DISP1: variants seen among roughly 807,000 people sequenced by gnomAD.
DISP1 encodes the protein protein dispatched homolog 1.
DISP1 carries 30 observed loss-of-function variants against 37.3 expected under a neutral mutation model. The ratio of observed to expected loss-of-function variants is 0.80; its 90% CI spans 0.60 to 1.09. DISP1 has a LOEUF of 1.09. Ranked by LOEUF, DISP1 falls within the 50% of genes least tolerant of loss-of-function variation. DISP1 has a pLI of 0.00. For missense variants in DISP1, 1,598 were observed against 1,879.5 expected (o/e 0.85, Z 2.77); for synonymous variants, 634 against 690.2 (o/e 0.92, Z 1.28).
At chr1:222,939,999 G>A (rs774009408) in intron 2 of DISP1, among the ~76,000 whole-genome samples, 18 of 151,908 alleles carry the variant, frequency 1.2e-4, no homozygotes, top group African/African-American at 2.7e-4. Context: ...GGTGGTGGGC[G>A]CCTGTAGTCC....
intron 1 of DISP1, among the ~76,000 whole-genome samples, chr1:222,881,734 C>T (rs1371173366): frequency 6.6e-6 from 1 of 152,082 alleles, no homozygotes; most frequent in Admixed American, 6.5e-5. Context: ...GTTTCAGTTG[C>T]TTGTAGATTT....
At chr1:222,861,959 G>A (rs1668902433) in intron 1 of DISP1, among the ~76,000 whole-genome samples, 2 of 152,020 alleles carry the variant, frequency 1.3e-5, no homozygotes, top group South Asian at 2.1e-4. Context: ...TTTTTCTCAC[G>A]AAGACATTGG....
At chr1:222,883,223 C>T (rs1670377316) in intron 1 of DISP1, among the ~76,000 whole-genome samples, 1 of 151,818 alleles carries the variant, frequency 6.6e-6, no homozygotes, top group Admixed American at 6.6e-5. Context: ...AAAATTAATC[C>T]TAAAAAAAAA....
At chr1:222,891,871 A>G (rs555497517) in intron 1 of DISP1, among the ~76,000 whole-genome samples, 3 of 152,188 alleles carry the variant, frequency 2.0e-5, no homozygotes, top group South Asian at 2.1e-4. Context: ...AATATAAACA[A>G]CTATCTTAAG....
intron 8 of DISP1, among the ~76,000 whole-genome samples, chr1:222,997,671 T>C (rs1361063929): frequency 6.6e-6 from 1 of 152,228 alleles, no homozygotes; most frequent in East Asian, 1.9e-4. Flanking sequence ...TCTATCTTTC[T>C]ACCGAGTTGA....
Position 222,994,970 on chromosome 1 carries a change from A to G in DISP1, c.975A>G (p.Val325=). The G allele has an allele frequency of 1.2e-6, 2 of 1,611,746 alleles. No homozygotes were observed. The highest frequency in any genetic ancestry group is 1.7e-6 in the Non-Finnish European group (2 of 1,178,198). Residue 325 remains valine, a synonymous_variant, in exon 8 of 9, where the codon GTA becomes GTG. Coordinates refer to ENST00000675850, the MANE Select transcript of DISP1 (RefSeq NM_001377229.1). ...NLPAIKSMCN[V]DNSRIRSHPQ... is the part of the protein sequence containing the mutation. ...CTGCAATTAAATCAATGTGCAATGT[A>G]GATAATTCCAGGGTATGTAAGATAA... is the stretch of plus-strand genomic sequence containing the variant.
In DISP1 at chr1:223,005,387, G is replaced by A. The variant is rs370266646; in HGVS notation, c.3990G>A (p.Thr1330=). Residue 1330 remains threonine (T), a synonymous_variant, in exon 9 of 9, where the codon ACG becomes ACA. Transcript: ENST00000675850. Reference sequence around the variant, plus strand: ...TCGAGGGCTTTGTGCACCCCATCACGCACATCCACCACTGTCCCTGCCTGC... The same window carrying A: ...TCGAGGGCTTTGTGCACCCCATCACACACATCCACCACTGTCCCTGCCTGC... ...QAVEGFVHPI[T]HIHHCPCLQG... is the part of the protein sequence containing the mutation. The A allele has an allele frequency of 2.2e-5, 35 of 1,613,148 alleles. 1 individual carries two copies. The highest frequency in any genetic ancestry group is 7.7e-5 in the South Asian group (7 of 91,080).
At chr1:222,981,128 T>C (rs1677803455) in intron 3 of DISP1, among the ~76,000 whole-genome samples, 1 of 152,254 alleles carries the variant, frequency 6.6e-6, no homozygotes, top group Non-Finnish European at 1.5e-5. Flanking sequence ...ACTCAGACTT[T>C]AAGTTCCACA....
intron 1 of DISP1, among the ~76,000 whole-genome samples, chr1:222,844,934 T>C (rs1667818897): frequency 6.6e-6 from 1 of 152,134 alleles, no homozygotes; most frequent in South Asian, 2.1e-4. Flanking sequence ...TGGGTATTGC[T>C]GGGCAACAAT....
chr1:222,920,083 A>G (rs1192370773), intron 1 of DISP1, among the ~76,000 whole-genome samples: 1 of 152,178 alleles, frequency 6.6e-6, no homozygotes, highest in Non-Finnish European at 1.5e-5. Flanking sequence ...TTCATGACAT[A>G]CAGTAAAGGT....
chr1:222,853,855 A>G (rs1668404063), intron 1 of DISP1, among the ~76,000 whole-genome samples: 1 of 152,226 alleles, frequency 6.6e-6, no homozygotes, highest in South Asian at 2.1e-4. Context: ...GTTAACAAGA[A>G]TATATTGTAT....
At chr1:222,984,435 T>TATATATATAGAGAGAG (rs67660273) in intron 4 of DISP1, among the ~76,000 whole-genome samples, 6 of 108,370 alleles carry the variant, frequency 5.5e-5, no homozygotes, top group South Asian at 3.2e-4. Flanking sequence ...TATATATATA[T>TATATATATAGAGAGAG]AGAGAGAGAG....
chr1:222,939,921 C>A (rs1019482265), intron 2 of DISP1, among the ~76,000 whole-genome samples: 1 of 151,436 alleles, frequency 6.6e-6, no homozygotes, highest in South Asian at 2.1e-4. Context: ...GTCAGGAGAT[C>A]GAGACCATCC....
intron 3 of DISP1, among the ~76,000 whole-genome samples, chr1:222,960,726 G>C (rs1675991847): frequency 6.6e-6 from 1 of 151,378 alleles, no homozygotes; most frequent in Non-Finnish European, 1.5e-5. Context: ...CCACTAGCTA[G>C]ACTAATAAGA....
rs1323047166 is a variant in DISP1 at position 222,893,043 on chromosome 1, C to T, written c.-158-35387C>T. On this transcript the variant is annotated intron_variant, in intron 1 of 8. Transcript: ENST00000675850. This position sits in a 1 kb window ranked among gnomAD's most constrained non-coding sequence, Gnocchi z 4.3. ...AAATTTTTAAATAATTTCTATTTGA[C>T]ATGTGTTAATGTTTACTTCACTTGA... 6.6e-6 allele frequency among the ~76,000 whole-genome samples: 1 copy of T among 152,128 alleles called. No individual in the cohort carries two copies. Among genetic ancestry groups the T allele is most frequent in the Non-Finnish European group, 1.5e-5 (1 of 68,012 alleles).
intron 3 of DISP1, among the ~76,000 whole-genome samples, chr1:222,957,489 T>C (rs1009000040): frequency 6.6e-6 from 1 of 152,130 alleles, no homozygotes; most frequent in African/African-American, 2.4e-5. Flanking sequence ...CTCGGGAAGC[T>C]GAGGCAGGAG....
intron 1 of DISP1, among the ~76,000 whole-genome samples, chr1:222,892,517 T>A (rs997388477): frequency 6.6e-6 from 1 of 152,244 alleles, no homozygotes; most frequent in East Asian, 1.9e-4. Context: ...TTTGGACATG[T>A]GATTCTTTGT....
Position 223,004,896 on chromosome 1 carries a change from C to G in DISP1, c.3499C>G (p.Gln1167Glu). Residue 1167 changes from glutamine to glutamate, a missense_variant, in exon 9 of 9, where the codon CAA (glutamine) becomes GAA (glutamate). By Grantham distance (29) the Gln-to-Glu change is conservative. Transcript: ENST00000675850. This position sits in a 1 kb window ranked among gnomAD's most constrained non-coding sequence, Gnocchi z 4.9. Reference protein sequence around the residue: ...ALSTSPSDKGQSKTHTINAYH... With the variant: ...ALSTSPSDKGESKTHTINAYH... ...GTCTACAAGTCCCAGTGACAAGGGA[C>G]AAAGCAAAACACATACCATAAATGC... 1 of 1,609,544 alleles carries G rather than the reference C, an allele frequency of 6.2e-7. No individual in the cohort carries two copies. Among genetic ancestry groups the G allele is most frequent in the East Asian group, 2.2e-5 (1 of 44,874 alleles).
chr1:222,898,513 C>A (rs1380740342), intron 1 of DISP1, among the ~76,000 whole-genome samples: 5 of 150,092 alleles, frequency 3.3e-5, no homozygotes, highest in African/African-American at 1.2e-4. Context: ...TACACTTATC[C>A]CTTAAACCAT....
Sources: allele counts gnomAD v4.1 joint callset (sites outside exome capture counted in the v4.1 genomes callset), GRCh38; gene constraint gnomAD v4.1.1; non-coding constraint Gnocchi (gnomAD v3.1); transcripts MANE v1.5; gene names NCBI Gene and HGNC (gene_info 2026-07-23, HGNC 2026-07-21).